The following METTL15 variants were observed in gnomAD, a reference collection of about 807,000 sequenced individuals.
METTL15 encodes the protein methyltransferase 15, mitochondrial 12S rRNA N4-cytidine, also known as 12S rRNA N(4)-cytidine methyltransferase METTL15.
METTL15 carries 34 observed loss-of-function variants against 38.3 expected under a neutral mutation model. The observed-to-expected ratio is 0.89, with a 90% CI of 0.68 to 1.18. METTL15 has a LOEUF of 1.18. Ranked by LOEUF, METTL15 falls within the 50% of genes most tolerant of loss-of-function variation. The pLI is 0.00. For synonymous variants in METTL15, 162 were observed against 170.9 expected, an observed-to-expected ratio of 0.95 and a Z score of 0.41; for missense variants, 438 against 498.4, an observed-to-expected ratio of 0.88 and a Z score of 1.15.
At chr11:28,303,042 T>C (rs1211695664) in intron 6 of METTL15, among the ~76,000 whole-genome samples, 5 of 152,172 alleles carry the variant, frequency 3.3e-5, no homozygotes, top group African/African-American at 4.8e-5. Flanking sequence ...AAAAATGAGA[T>C]AGATTCTAGA....
At chr11:28,510,834 G>T (rs1408408794) in intron 6 of METTL15, among the ~76,000 whole-genome samples, 1 of 152,138 alleles carries the variant, frequency 6.6e-6, no homozygotes, top group Non-Finnish European at 1.5e-5. Flanking sequence ...GCTGGAGAAG[G>T]TTTCAGAGTG....
chr11:28,380,913 G>A (rs1324774970), intron 5 of METTL15, among the ~76,000 whole-genome samples: 1 of 152,050 alleles, frequency 6.6e-6, no homozygotes, highest in Non-Finnish European at 1.5e-5. Flanking sequence ...CAGTTGAGAA[G>A]TCTGTTGTCA....
chr11:28,293,847 GCTCT>G (rs1304037019), intron 5 of METTL15, among the ~76,000 whole-genome samples: 10 of 152,012 alleles, frequency 6.6e-5, no homozygotes, highest in African/African-American at 9.7e-5. Context: ...TCATGATTTG[GCTCT>G]CTGTTTGTCT....
intron 6 of METTL15, among the ~76,000 whole-genome samples, chr11:28,307,801 T>G (rs1350118126): frequency 6.6e-6 from 1 of 151,964 alleles, no homozygotes; most frequent in Non-Finnish European, 1.5e-5. Context: ...TTTCTAAGAA[T>G]TAACAAAAAA....
At chr11:28,241,847 G>T (rs1272202212) in intron 4 of METTL15, among the ~76,000 whole-genome samples, 1 of 152,170 alleles carries the variant, frequency 6.6e-6, no homozygotes, top group East Asian at 1.9e-4. Flanking sequence ...AAAAAGAGAT[G>T]ATGTCAGAAG....
chr11:28,422,418 T>C (rs781720683), intron 5 of METTL15, among the ~76,000 whole-genome samples: 2 of 151,918 alleles, frequency 1.3e-5, no homozygotes, highest in Non-Finnish European at 2.9e-5. Flanking sequence ...GGAGGAGTTA[T>C]GTTGCTTCAC....
intron 6 of METTL15, among the ~76,000 whole-genome samples, chr11:28,464,933 A>G (rs542709758): frequency 1.3e-5 from 2 of 152,364 alleles, no homozygotes; most frequent in East Asian, 3.9e-4. Flanking sequence ...CTAACACAAA[A>G]GAGATGCCCC....
intron 6 of METTL15, among the ~76,000 whole-genome samples, chr11:28,304,300 G>A (rs973053225): frequency 1.3e-5 from 2 of 152,144 alleles, no homozygotes; most frequent in Admixed American, 6.6e-5. Context: ...ACTGGGACAT[G>A]TTAAGGTATA....
At chr11:28,117,952 C>G (rs1243575298) in intron 3 of METTL15, among the ~76,000 whole-genome samples, 3 of 152,166 alleles carry the variant, frequency 2.0e-5, no homozygotes, top group Non-Finnish European at 4.4e-5. Context: ...CTTACTATTA[C>G]CTTTTTCTGC....
intron 5 of METTL15, among the ~76,000 whole-genome samples, chr11:28,372,381 T>A (rs1291375571): frequency 6.6e-6 from 1 of 151,776 alleles, no homozygotes; most frequent in Non-Finnish European, 1.5e-5. Context: ...ATTTTCTTGG[T>A]TTTGTTGAGG....
intron 4 of METTL15, among the ~76,000 whole-genome samples, chr11:28,262,994 CTGTT>C (rs1297964139): frequency 1.3e-5 from 2 of 151,926 alleles, no homozygotes; most frequent in Non-Finnish European, 2.9e-5. Context: ...CAATCCATGT[CTGTT>C]TTCTTTTTTT....
At chr11:28,346,982 A>C (rs1482749741) in intron 3 of METTL15, among the ~76,000 whole-genome samples, 1 of 152,258 alleles carries the variant, frequency 6.6e-6, no homozygotes, top group Non-Finnish European at 1.5e-5. Context: ...AAATGTAGTC[A>C]TGGCTCAGCT....
chr11:28,202,323 G>A (rs769989078), intron 3 of METTL15, among the ~76,000 whole-genome samples: 3 of 152,074 alleles, frequency 2.0e-5, no homozygotes, highest in African/African-American at 7.2e-5. Flanking sequence ...GTTCTGCTTA[G>A]CATTCAAAGA....
At chr11:28,367,524 G>A (rs977957721) in intron 5 of METTL15, among the ~76,000 whole-genome samples, 7 of 151,562 alleles carry the variant, frequency 4.6e-5, no homozygotes, top group African/African-American at 1.7e-4. Flanking sequence ...CATGCTCATG[G>A]ATAGTAATAT....
chr11:28,122,155 G>C, intron 3 of METTL15: 1 of 1,239,554 alleles, frequency 8.1e-7, no homozygotes, highest in Non-Finnish European at 1.0e-6. Flanking sequence ...CTTGGTGTGA[G>C]GAGTGTGGGA....
At chr11:28,179,305 G>A (rs1018702180) in intron 3 of METTL15, among the ~76,000 whole-genome samples, 1 of 151,410 alleles carries the variant, frequency 6.6e-6, no homozygotes, top group African/African-American at 2.4e-5. Context: ...TATTTTTTCT[G>A]TAACAGTTTT....
intron 5 of METTL15, among the ~76,000 whole-genome samples, chr11:28,398,246 A>G (rs770476358): frequency 1.3e-5 from 2 of 152,072 alleles, no homozygotes; most frequent in South Asian, 2.1e-4. Context: ...TCAAAAAAGG[A>G]TAAATGAAAC....
intron 6 of METTL15, among the ~76,000 whole-genome samples, chr11:28,309,277 A>G (rs1292909996): frequency 6.6e-6 from 1 of 152,078 alleles, no homozygotes; most frequent in Non-Finnish European, 1.5e-5. Context: ...ACTCGTCACA[A>G]ATCTCACTTT....
chr11:28,507,665 G>T (rs1676943167), intron 6 of METTL15, among the ~76,000 whole-genome samples: 1 of 152,082 alleles, frequency 6.6e-6, no homozygotes, highest in Non-Finnish European at 1.5e-5. Flanking sequence ...TCTCAGAAAT[G>T]GGACCCTAAT....
Sources: allele counts gnomAD v4.1 joint callset (sites outside exome capture counted in the v4.1 genomes callset), GRCh38; gene constraint gnomAD v4.1.1; transcripts MANE v1.5; gene names NCBI Gene and HGNC (gene_info 2026-07-23, HGNC 2026-07-21).